HIGD1C: variants seen among roughly 807,000 people sequenced by gnomAD.
HIGD1C encodes HIG1 domain family member 1C.
HIGD1C carries 11 observed loss-of-function variants against 13.1 expected under a neutral mutation model. That is an observed-to-expected ratio of 0.84 (90% CI 0.53 to 1.39). HIGD1C has a LOEUF of 1.39. Among genes scored for constraint, HIGD1C ranks in the 40% most tolerant of loss-of-function variants. The pLI, the probability that HIGD1C is intolerant of heterozygous loss-of-function variation, is 0.00. For synonymous variants in HIGD1C, 36 were observed against 37.7 expected, an observed-to-expected ratio of 0.95 and a Z score of 0.17; for missense variants, 110 against 112.0, an observed-to-expected ratio of 0.98 and a Z score of 0.08.
At chr12:50,936,354 C>T in the HIGD1C span, among the ~76,000 whole-genome samples, 1 of 152,142 alleles carries the variant, frequency 6.6e-6, no homozygotes, top group Middle Eastern at 3.2e-3. Context: ...AAGCAATTCT[C>T]AAGTCTCAGC....
At chr12:50,949,342 T>A (rs1392272877), upstream of HIGD1C, 4 of 152,684 alleles carry the variant, frequency 2.6e-5, no homozygotes, top group African/African-American at 9.7e-5. Flanking sequence ...AGCTCTGCAA[T>A]GCCTTTCAGC....
At chr12:50,951,801 A>G (rs1489927452), upstream of HIGD1C, among the ~76,000 whole-genome samples, 1 of 151,840 alleles carries the variant, frequency 6.6e-6, no homozygotes, top group Non-Finnish European at 1.5e-5. Flanking sequence ...GCGCTTCTAT[A>G]GTCCTAGCTA....
chr12:50,957,406 C>G (rs11169632), intron 1 of HIGD1C, among the ~76,000 whole-genome samples: 27,624 of 151,228 alleles, frequency 0.18, 2,876 homozygotes, highest in East Asian at 0.5. Flanking sequence ...ACCATGTTGA[C>G]CAGGCTGGTC....
chr12:50,943,886 T>C, the HIGD1C span, among the ~76,000 whole-genome samples: 35,316 of 152,026 alleles, frequency 0.23, 4,898 homozygotes, highest in East Asian at 0.5. Flanking sequence ...ATCATATCTG[T>C]AGCACTCAAT....
chr12:50,960,868 T>A, intron 1 of HIGD1C, 100 bp from the exon 4 acceptor site: 1 of 987,346 alleles, frequency 1.0e-6, no homozygotes, highest in Non-Finnish European at 1.4e-6. Context: ...TTTTTAGAGA[T>A]GGGGTCTTGC....
At chr12:50,941,739 C>T in the HIGD1C span, among the ~76,000 whole-genome samples, 1 of 152,216 alleles carries the variant, frequency 6.6e-6, no homozygotes, top group Non-Finnish European at 1.5e-5. Flanking sequence ...TCCCACTAAA[C>T]CTGATCCTTA....
At chr12:50,938,673 T>TC in the HIGD1C span, among the ~76,000 whole-genome samples, 1 of 152,306 alleles carries the variant, frequency 6.6e-6, no homozygotes, top group Admixed American at 6.5e-5. Flanking sequence ...TACATACCTC[T>TC]CATTTGTCCC....
the HIGD1C span, chr12:50,931,593 C>G: frequency 6.6e-6 from 1 of 150,520 alleles, no homozygotes; most frequent in Non-Finnish European, 1.5e-5. Flanking sequence ...TGCCTGTAAT[C>G]CCAGGTACTT....
chr12:50,950,268 C>T (rs1938864131), upstream of HIGD1C, among the ~76,000 whole-genome samples: 1 of 152,140 alleles, frequency 6.6e-6, no homozygotes, highest in African/African-American at 2.4e-5. Flanking sequence ...TCTGCTGATA[C>T]AGATATTGAA....
At chr12:50,965,918 G>A (rs1939524715) in intron 2 of HIGD1C, among the ~76,000 whole-genome samples, 1 of 152,164 alleles carries the variant, frequency 6.6e-6, no homozygotes, top group Admixed American at 6.5e-5. Flanking sequence ...TCAATTCTAG[G>A]AATTGGTCAA....
chr12:50,967,968 T>G (rs2139827863), intron 2 of HIGD1C, among the ~76,000 whole-genome samples: 1 of 152,090 alleles, frequency 6.6e-6, no homozygotes, highest in Non-Finnish European at 1.5e-5. Context: ...GCACCTGTGG[T>G]CCCAGCTACT....
At chr12:50,961,781 A>G (rs565330018) in intron 2 of HIGD1C, among the ~76,000 whole-genome samples, 326 of 152,316 alleles carry the variant, frequency 2.1e-3, no homozygotes, top group Middle Eastern at 6.8e-3. Context: ...AGTCCCCTTC[A>G]TGACGTGCAG....
At chr12:50,965,277 C>T (rs1031168793) in intron 2 of HIGD1C, among the ~76,000 whole-genome samples, 1 of 149,338 alleles carries the variant, frequency 6.7e-6, no homozygotes, top group Non-Finnish European at 1.5e-5. Flanking sequence ...CCATGCCTGG[C>T]TAATTTTTAA....
At chr12:50,963,528 T>TGAAATATA (rs1440026059) in intron 2 of HIGD1C, among the ~76,000 whole-genome samples, 1 of 150,760 alleles carries the variant, frequency 6.6e-6, no homozygotes, top group Non-Finnish European at 1.5e-5. Context: ...CTGACGGAGG[T>TGAAATATA]GAAATATAGA....
chr12:50,947,100 A>C, the HIGD1C span, among the ~76,000 whole-genome samples: 1 of 151,948 alleles, frequency 6.6e-6, no homozygotes, highest in African/African-American at 2.4e-5. Flanking sequence ...CCTAGTCCTT[A>C]TTATTCCTGC....
upstream of HIGD1C, among the ~76,000 whole-genome samples, chr12:50,951,644 C>G (rs758451805): frequency 1.3e-5 from 2 of 152,022 alleles, no homozygotes; most frequent in African/African-American, 4.8e-5. Flanking sequence ...GTCGGCTGGG[C>G]GCGGTGGCTC....
chr12:50,947,442 C>T, the HIGD1C span, among the ~76,000 whole-genome samples: 3 of 152,024 alleles, frequency 2.0e-5, no homozygotes, highest in South Asian at 2.1e-4. Context: ...TGGTTCCTTC[C>T]TCCATTTTTA....
At chr12:50,935,780 C>T in the HIGD1C span, among the ~76,000 whole-genome samples, 2 of 152,172 alleles carry the variant, frequency 1.3e-5, no homozygotes, top group East Asian at 3.9e-4. Flanking sequence ...TTAGCCACCA[C>T]ACCCAGCCCC....
chr12:50,964,610 T>C (rs577992370), intron 2 of HIGD1C, among the ~76,000 whole-genome samples: 1 of 152,344 alleles, frequency 6.6e-6, no homozygotes, highest in East Asian at 1.9e-4. Flanking sequence ...AGCCCTGATA[T>C]TAGGCAGTGA....
Sources: gnomAD v4.1 joint callset for allele counts (sites outside exome capture counted in the v4.1 genomes callset) on GRCh38, gnomAD v4.1.1 for gene constraint, MANE v1.5 for transcripts, NCBI Gene and HGNC (gene_info 2026-07-23, HGNC 2026-07-21) for gene names.